Variants in CCDC88A observed in about 807,000 individuals in gnomAD.
CCDC88A encodes the protein girdin.
In CCDC88A, 54 loss-of-function variants were observed where a neutral mutation model predicts 234.3. That is an observed-to-expected ratio of 0.23 (90% CI 0.19 to 0.29). The LOEUF is 0.29. Ranked by LOEUF, CCDC88A falls within the 10% of genes least tolerant of loss-of-function variation. The pLI is 1.00. For missense variants in CCDC88A, 1,832 were observed against 2,123.4 expected (o/e 0.86, Z 2.70); for synonymous variants, 753 against 737.8 (o/e 1.02, Z -0.33).
chr2:55,409,686 T>C (rs566873994), intron 2 of CCDC88A, among the ~76,000 whole-genome samples: 1 of 148,910 alleles, frequency 6.7e-6, no homozygotes, highest in South Asian at 2.1e-4. Flanking sequence ...GCCCACATGC[T>C]TCCACTGGGA....
intron 7 of CCDC88A, among the ~76,000 whole-genome samples, chr2:55,359,923 G>A (rs1051832560): frequency 6.6e-6 from 1 of 152,048 alleles, no homozygotes; most frequent in Admixed American, 6.5e-5. Flanking sequence ...AATTAGAGAT[G>A]TGCTCAGTAC....
At chr2:55,337,598 T>C (rs1342461444) in intron 13 of CCDC88A, 2 of 152,134 alleles carry the variant, frequency 1.3e-5, no homozygotes, top group South Asian at 2.1e-4. Context: ...TGGAAATAAC[T>C]ACACACAGAA....
intron 7 of CCDC88A, among the ~76,000 whole-genome samples, chr2:55,361,672 C>T (rs1671342255): frequency 6.6e-6 from 1 of 152,124 alleles, no homozygotes; most frequent in Non-Finnish European, 1.5e-5. Context: ...CTTTGCTCTG[C>T]TATTAAGAAA....
intron 7 of CCDC88A, among the ~76,000 whole-genome samples, chr2:55,360,371 C>A (rs1671128987): frequency 6.6e-6 from 1 of 152,130 alleles, no homozygotes; most frequent in Admixed American, 6.5e-5. Context: ...GATTTACATA[C>A]TACCTTTACA....
chr2:55,305,649 C>T (rs2104584080), intron 25 of CCDC88A, among the ~76,000 whole-genome samples: 1 of 152,194 alleles, frequency 6.6e-6, no homozygotes, highest in East Asian at 1.9e-4. Context: ...GAGTTTGAGA[C>T]CAGTCTGGGC....
chr2:55,418,752 C>A, intron 2 of CCDC88A, 64 bp downstream of exon 2: 1 of 1,304,680 alleles, frequency 7.7e-7, no homozygotes, highest in Non-Finnish European at 1.1e-6. Flanking sequence ...AACATCGTGT[C>A]TCAAAGTTCA....
intron 5 of CCDC88A, among the ~76,000 whole-genome samples, chr2:55,371,872 C>G (rs897891818): frequency 6.6e-6 from 1 of 152,174 alleles, no homozygotes; most frequent in African/African-American, 2.4e-5. Flanking sequence ...TACCCAATCT[C>G]CTGACCTGAA....
intron 2 of CCDC88A, among the ~76,000 whole-genome samples, chr2:55,398,874 AAAAG>A (rs1436377839): frequency 6.6e-6 from 1 of 151,952 alleles, no homozygotes; most frequent in East Asian, 1.9e-4. Context: ...AACAAAAAAA[AAAAG>A]AAAGAAAGAA....
At chr2:55,358,114 C>T (rs912866426) in intron 7 of CCDC88A, among the ~76,000 whole-genome samples, 2 of 152,120 alleles carry the variant, frequency 1.3e-5, no homozygotes, top group Non-Finnish European at 2.9e-5. Flanking sequence ...GTCATCCTTA[C>T]TGTGCTGTTA....
At chr2:55,416,645 G>A (rs1388923669) in intron 2 of CCDC88A, among the ~76,000 whole-genome samples, 3 of 150,812 alleles carry the variant, frequency 2.0e-5, no homozygotes, top group African/African-American at 7.3e-5. Flanking sequence ...CACAAATTCT[G>A]TAACTAAATG....
intron 2 of CCDC88A, chr2:55,403,467 A>C (rs1174340150): frequency 6.6e-6 from 1 of 152,236 alleles, no homozygotes; most frequent in East Asian, 1.9e-4. Flanking sequence ...ATACCTTACA[A>C]GTGTGTAACG....
intron 25 of CCDC88A, among the ~76,000 whole-genome samples, chr2:55,304,893 T>C (rs376403871): frequency 1.0e-3 from 159 of 152,362 alleles, no homozygotes; most frequent in African/African-American, 3.6e-3. Flanking sequence ...TCTCAGTGTT[T>C]GCTGTCATCG....
intron 17 of CCDC88A, among the ~76,000 whole-genome samples, chr2:55,326,492 T>C (rs1241409506): frequency 6.6e-6 from 1 of 152,220 alleles, no homozygotes; most frequent in Non-Finnish European, 1.5e-5. Context: ...TTTATAACAA[T>C]ATAAATTCAG....
chr2:55,337,869 A>G (rs964437038), intron 13 of CCDC88A, among the ~76,000 whole-genome samples: 7 of 151,812 alleles, frequency 4.6e-5, no homozygotes, highest in South Asian at 4.1e-4. Flanking sequence ...TAATGATGAT[A>G]ATAATAATAA....
intron 13 of CCDC88A, 86 bp downstream of exon 13, chr2:55,339,378 T>A (rs1468633175): frequency 8.5e-7 from 1 of 1,170,506 alleles, no homozygotes; most frequent in Non-Finnish European, 1.2e-6. Context: ...TGAGCGTGCA[T>A]TTAAAAAGTG....
chr2:55,382,437 T>C (rs920131282), intron 3 of CCDC88A, among the ~76,000 whole-genome samples: 12 of 152,136 alleles, frequency 7.9e-5, no homozygotes, highest in African/African-American at 1.4e-4. Flanking sequence ...AACAACAATG[T>C]TCTTCATTTA....
At chr2:55,392,435 C>A (rs1472962079) in intron 2 of CCDC88A, among the ~76,000 whole-genome samples, 1 of 152,170 alleles carries the variant, frequency 6.6e-6, no homozygotes, top group African/African-American at 2.4e-5. Flanking sequence ...ACTGACAGCT[C>A]TATAGCATTG....
At position 55,288,080 on chromosome 2, in the gene CCDC88A, C is replaced by T. The variant is rs1230478155; in HGVS notation, c.*3120G>A. The stretch of plus-strand genomic sequence containing the variant: ...AGCATTAGTTTTAAAGGAAATGTTA[C>T]AGCTTTTATATTATTTGATTTGGTA... On this transcript the variant is annotated 3_prime_UTR_variant, in exon 33 of 33. Coordinates refer to ENST00000436346, the MANE Select transcript of CCDC88A (RefSeq NM_001365480.1). 6.6e-6 allele frequency: 1 copy of T among 152,552 alleles called. No homozygotes were observed. The highest frequency in any genetic ancestry group is 1.5e-5 in the Non-Finnish European group (1 of 68,008). The allele number at this position is 152,552 out of a possible 1,614,324, so 9.4% of individuals were successfully genotyped here.
rs564278531 is a variant in CCDC88A at position 55,335,872 on chromosome 2, A to G, written c.1657-708T>C. ...TGGCTGGTCTGAGGACTGTACCTGG[A>G]TGATATAAACAAATAATTTAACTTC... On this transcript the variant is annotated intron_variant, in intron 14 of 32. Transcript: ENST00000436346. This position sits in a 1 kb window ranked among gnomAD's most constrained non-coding sequence, Gnocchi z 4.5. 2.0e-5 allele frequency among the ~76,000 whole-genome samples: 3 copies of G among 152,150 alleles called. No homozygotes were observed. Among genetic ancestry groups the G allele is most frequent in the Non-Finnish European group, 4.4e-5 (3 of 68,006 alleles).
Sources: allele counts gnomAD v4.1 joint callset (sites outside exome capture counted in the v4.1 genomes callset), GRCh38; gene constraint gnomAD v4.1.1; non-coding constraint Gnocchi (gnomAD v3.1); transcripts MANE v1.5; gene names NCBI Gene and HGNC (gene_info 2026-07-23, HGNC 2026-07-21).